The following PDE4D variants were observed in gnomAD, a reference collection of about 807,000 sequenced individuals.
PDE4D encodes the protein 3',5'-cyclic-AMP phosphodiesterase 4D.
In PDE4D, 24 loss-of-function variants were observed where a neutral mutation model predicts 87.4. That is an observed-to-expected ratio of 0.27 (90% CI 0.20 to 0.39). PDE4D has a LOEUF of 0.39. Among genes scored for constraint, PDE4D ranks in the 10% least tolerant of loss-of-function variants. The pLI, the probability that PDE4D is intolerant of heterozygous loss-of-function variation, is 1.00. For synonymous variants in PDE4D, 384 were observed against 383.2 expected (o/e 1.00, Z -0.02); for missense variants, 714 against 1,041.0 (o/e 0.69, Z 4.32).
chr5:59,514,320 T>A (rs1810795835), intron 1 of PDE4D, among the ~76,000 whole-genome samples: 1 of 152,054 alleles, frequency 6.6e-6, no homozygotes, highest in African/African-American at 2.4e-5. Flanking sequence ...TTAGCCAGGA[T>A]GGTCTCGATC....
At chr5:59,688,230 C>A (rs1371593254) in intron 1 of PDE4D, among the ~76,000 whole-genome samples, 3 of 152,206 alleles carry the variant, frequency 2.0e-5, no homozygotes, top group Non-Finnish European at 2.9e-5. Context: ...TAATAGACAT[C>A]TACAGAACTC....
chr5:59,616,919 A>ATG (rs1829752023), intron 1 of PDE4D, among the ~76,000 whole-genome samples: 1 of 25,680 alleles, frequency 3.9e-5, no homozygotes, highest in Admixed American at 5.0e-4. Flanking sequence ...TAATAATTAC[A>ATG]TATATATATA....
rs546958956 is a variant in PDE4D at position 59,167,030 on chromosome 5, A to G, written c.808+13565T>C. On this transcript the variant is annotated intron_variant, in intron 5 of 14. Coordinates refer to ENST00000340635, the MANE Select transcript of PDE4D (RefSeq NM_001104631.2). ...TTAAGCACTTTCCACATGCTTTTAA[A>G]TAAGACCTGACATTTACTATGTCCC... Among the ~76,000 whole-genome samples, 19 of 152,368 alleles carry G rather than the reference A, an allele frequency of 1.2e-4. No individual in the cohort carries two copies. The South Asian group carries it at 1.4e-3, about 12-fold the overall frequency.
At chr5:60,132,436 GACA>G (rs1462373686) in intron 2 of PDE4D, among the ~76,000 whole-genome samples, 1 of 151,980 alleles carries the variant, frequency 6.6e-6, no homozygotes, top group Non-Finnish European at 1.5e-5. Flanking sequence ...AACTAATCTA[GACA>G]ACTTCTTCCC....
intron 1 of PDE4D, among the ~76,000 whole-genome samples, chr5:59,600,672 G>A (rs1257114364): frequency 6.6e-6 from 1 of 152,118 alleles, no homozygotes; most frequent in East Asian, 1.9e-4. Context: ...GGAAGTTTAT[G>A]TTTCCTCACT....
intron 1 of PDE4D, among the ~76,000 whole-genome samples, chr5:59,707,912 T>C (rs946993929): frequency 3.9e-5 from 6 of 152,216 alleles, no homozygotes; most frequent in Admixed American, 2.6e-4. Flanking sequence ...AGTGCTGTAA[T>C]GAACATACCT....
chr5:60,074,113 T>C (rs1582516779), intron 2 of PDE4D, among the ~76,000 whole-genome samples: 1 of 152,176 alleles, frequency 6.6e-6, no homozygotes, highest in Non-Finnish European at 1.5e-5. Context: ...TTAGTTGTGA[T>C]GTTAGGTTGT....
intron 1 of PDE4D, among the ~76,000 whole-genome samples, chr5:59,395,119 G>C (rs962042746): frequency 6.6e-6 from 1 of 151,968 alleles, no homozygotes; most frequent in South Asian, 2.1e-4. Context: ...ACAGCAGTCT[G>C]AGATCAAACT....
intron 1 of PDE4D, among the ~76,000 whole-genome samples, chr5:59,870,622 A>C (rs751234277): frequency 3.9e-5 from 6 of 152,198 alleles, no homozygotes; most frequent in African/African-American, 1.2e-4. Flanking sequence ...TTATTGATAT[A>C]GTTTTCATTA....
At chr5:59,978,200 T>C (rs894840569) in intron 3 of PDE4D, among the ~76,000 whole-genome samples, 1 of 152,192 alleles carries the variant, frequency 6.6e-6, no homozygotes, top group Non-Finnish European at 1.5e-5. Flanking sequence ...TTCATAGGGC[T>C]ATCGCTATGA....
chr5:59,260,558 C>T (rs547084171), intron 1 of PDE4D, among the ~76,000 whole-genome samples: 2 of 151,668 alleles, frequency 1.3e-5, no homozygotes, highest in Non-Finnish European at 2.9e-5. Context: ...AGTAAGTTAG[C>T]TAAAACTTTT....
intron 1 of PDE4D, among the ~76,000 whole-genome samples, chr5:60,436,928 T>C (rs958547304): frequency 8.5e-5 from 13 of 152,074 alleles, no homozygotes; most frequent in Admixed American, 7.9e-4. Flanking sequence ...AGAAAAAATA[T>C]TATGAACATT....
chr5:59,243,089 G>A (rs1231008548), intron 1 of PDE4D, among the ~76,000 whole-genome samples: 1 of 152,128 alleles, frequency 6.6e-6, no homozygotes, highest in Non-Finnish European at 1.5e-5. Flanking sequence ...GCCTGATACT[G>A]CTACATGAAC....
chr5:59,237,719 C>T (rs1352368576), intron 1 of PDE4D, among the ~76,000 whole-genome samples: 1 of 152,044 alleles, frequency 6.6e-6, no homozygotes, highest in African/African-American at 2.4e-5. Flanking sequence ...GACAATATAT[C>T]TAATCTGTCT....
intron 6 of PDE4D, among the ~76,000 whole-genome samples, chr5:59,037,504 G>A (rs868702450): frequency 2.0e-5 from 3 of 152,256 alleles, no homozygotes; most frequent in Middle Eastern, 3.4e-3. Flanking sequence ...GAATAAAGGT[G>A]CCTAATGCTA....
At chr5:60,148,614 C>T (rs1278602345) in intron 2 of PDE4D, among the ~76,000 whole-genome samples, 1 of 152,044 alleles carries the variant, frequency 6.6e-6, no homozygotes, top group Non-Finnish European at 1.5e-5. Context: ...TCCAAGAGTC[C>T]AAGGAGTCCC....
At chr5:59,546,905 C>A (rs1211797355) in intron 1 of PDE4D, among the ~76,000 whole-genome samples, 1 of 152,138 alleles carries the variant, frequency 6.6e-6, no homozygotes, top group Non-Finnish European at 1.5e-5. Flanking sequence ...TGAGTATACT[C>A]ACTAACTTTA....
chr5:59,785,878 C>A (rs923591454), intron 1 of PDE4D, among the ~76,000 whole-genome samples: 2 of 151,914 alleles, frequency 1.3e-5, no homozygotes, highest in African/African-American at 4.8e-5. Context: ...TTGCCAATGG[C>A]AATGGTTGTT....
chr5:59,794,261 T>C (rs1463110630), intron 1 of PDE4D, among the ~76,000 whole-genome samples: 1 of 152,228 alleles, frequency 6.6e-6, no homozygotes, highest in African/African-American at 2.4e-5. Context: ...TGTTTTTTTA[T>C]CTTTCCTTTG....
Sources: gnomAD v4.1 joint callset for allele counts (sites outside exome capture counted in the v4.1 genomes callset) on GRCh38, gnomAD v4.1.1 for gene constraint, MANE v1.5 for transcripts, NCBI Gene and HGNC (gene_info 2026-07-23, HGNC 2026-07-21) for gene names.